LRRN2: variants seen among roughly 807,000 people sequenced by gnomAD.
The protein encoded by LRRN2 is leucine rich repeat neuronal 2.
In LRRN2, 10 loss-of-function variants were observed where a neutral mutation model predicts 35.7. The observed-to-expected ratio is 0.28, with a 90% CI of 0.17 to 0.47. The LOEUF is 0.47. LRRN2 is among the 20% of genes least tolerant of loss of function. The pLI, the probability that LRRN2 is intolerant of heterozygous loss-of-function variation, is 0.99. For missense variants in LRRN2, 731 were observed against 940.3 expected, an observed-to-expected ratio of 0.78 and a Z score of 2.91; for synonymous variants, 391 against 409.6, an observed-to-expected ratio of 0.95 and a Z score of 0.55.
intron 1 of LRRN2, among the ~76,000 whole-genome samples, chr1:204,656,607 T>C (rs567543440): frequency 1.3e-5 from 2 of 152,346 alleles, no homozygotes; most frequent in African/African-American, 4.8e-5. Flanking sequence ...TGCAAATGTT[T>C]GCATGTCTTT....
At chr1:204,650,937 A>G (rs984613646) in intron 1 of LRRN2, among the ~76,000 whole-genome samples, 11 of 152,312 alleles carry the variant, frequency 7.2e-5, no homozygotes, top group African/African-American at 2.2e-4. Context: ...CCCAGAGCCT[A>G]TGGAATCTGT....
Position 204,681,163 on chromosome 1 carries a change from G to A in LRRN2, c.-227+4157C>T, listed in dbSNP as rs557362685. On this transcript the variant is annotated intron_variant, in intron 1 of 1. Transcript: ENST00000367177. ...GCAGAGATGGGGTTTCACCATTTTGGCCAGGCTGGTCTTGAACTCCTGACC... is the reference window on the plus strand; with the variant it reads ...GCAGAGATGGGGTTTCACCATTTTGACCAGGCTGGTCTTGAACTCCTGACC... Among the ~76,000 whole-genome samples the A allele has an allele frequency of 3.3e-5, 5 of 152,042 alleles. No individual in the cohort carries two copies. In the South Asian group the frequency reaches 1.0e-3, roughly 32 times the overall value.
chr1:204,635,154 A>G (rs1422499613), intron 1 of LRRN2, among the ~76,000 whole-genome samples: 1 of 152,156 alleles, frequency 6.6e-6, no homozygotes, highest in Non-Finnish European at 1.5e-5. Flanking sequence ...TGTTAGAGAT[A>G]TATGCATAAA....
At chr1:204,654,187 A>G (rs912213914) in intron 1 of LRRN2, among the ~76,000 whole-genome samples, 22 of 152,214 alleles carry the variant, frequency 1.4e-4, no homozygotes, top group African/African-American at 4.8e-4. Flanking sequence ...TTGTAAGTAC[A>G]TGATATACTG....
intron 1 of LRRN2, 122 bp from the exon 2 acceptor site, chr1:204,620,340 C>G: frequency 4.2e-6 from 2 of 476,366 alleles, no homozygotes; most frequent in Admixed American, 4.6e-5. Context: ...CAGCGGTGCA[C>G]TCAGCTGACT....
chr1:204,635,289 G>A (rs189969096), intron 1 of LRRN2, among the ~76,000 whole-genome samples: 2 of 152,088 alleles, frequency 1.3e-5, no homozygotes, highest in African/African-American at 4.8e-5. Context: ...TATTCTCTGG[G>A]CTTATATATA....
chr1:204,666,421 T>C lies in LRRN2; in HGVS notation c.-227+18899A>G, dbSNP rs1164465767. Among the ~76,000 whole-genome samples the C allele has an allele frequency of 2.6e-5, 4 of 152,250 alleles. No homozygotes were observed. In the East Asian group the frequency reaches 7.7e-4, roughly 29 times the overall value. ...AAGTACCCTCATTCAGTTGAGCTTG[T>C]ACAATAAACGTTTGTTAGGTGCTTA... On this transcript the variant is annotated intron_variant, in intron 1 of 1. Coordinates refer to ENST00000367177, the MANE Select transcript of LRRN2 (RefSeq NM_201630.2).
chr1:204,638,756 A>C (rs1667908764), intron 1 of LRRN2, among the ~76,000 whole-genome samples: 1 of 152,198 alleles, frequency 6.6e-6, no homozygotes, highest in African/African-American at 2.4e-5. Flanking sequence ...TAGACTTGCC[A>C]AGAGGCCATG....
At chr1:204,672,939 C>T (rs1224340091) in intron 1 of LRRN2, among the ~76,000 whole-genome samples, 1 of 152,212 alleles carries the variant, frequency 6.6e-6, no homozygotes, top group Non-Finnish European at 1.5e-5. Flanking sequence ...TGCACACCAT[C>T]CAGACAGAGC....
rs1285824305 is a variant in LRRN2 at position 204,650,311 on chromosome 1, C to T, written c.-226-30093G>A. On this transcript the variant is annotated intron_variant, in intron 1 of 1. Coordinates refer to ENST00000367177, the MANE Select transcript of LRRN2 (RefSeq NM_201630.2). ...TTTCCCTCAGAAGCTGATCATTTTG[C>T]AGACTGGGGAAATTAATTGTTTGAA... Among the ~76,000 whole-genome samples the T allele has an allele frequency of 2.0e-5, 3 of 152,222 alleles. 1 individual carries two copies. The highest frequency in any genetic ancestry group is 1.3e-4 in the Admixed American group (2 of 15,284).
chr1:204,661,091 G>A (rs191358319), intron 1 of LRRN2, among the ~76,000 whole-genome samples: 1 of 152,304 alleles, frequency 6.6e-6, no homozygotes, highest in African/African-American at 2.4e-5. Context: ...CTGGTTGATT[G>A]ATTGATTGAT....
At chr1:204,654,887 CA>C (rs1263726274) in intron 1 of LRRN2, among the ~76,000 whole-genome samples, 3 of 152,228 alleles carry the variant, frequency 2.0e-5, no homozygotes, top group Non-Finnish European at 4.4e-5. Context: ...CACTACAAAT[CA>C]GGACTTCCCT....
chr1:204,638,552 A>C (rs1311383206), intron 1 of LRRN2, among the ~76,000 whole-genome samples: 1 of 151,908 alleles, frequency 6.6e-6, no homozygotes, highest in African/African-American at 2.4e-5. Context: ...CTGAGATTAC[A>C]GGCATGTGCC....
chr1:204,632,740 A>G (rs544071673), intron 1 of LRRN2, among the ~76,000 whole-genome samples: 44 of 151,746 alleles, frequency 2.9e-4, no homozygotes, highest in Non-Finnish European at 5.6e-4. Flanking sequence ...GACCATCCTG[A>G]CTAACACGGT....
At chr1:204,657,268 G>C (rs1174355222) in intron 1 of LRRN2, among the ~76,000 whole-genome samples, 2 of 151,568 alleles carry the variant, frequency 1.3e-5, no homozygotes, top group Non-Finnish European at 2.9e-5. Flanking sequence ...TCACCCCATT[G>C]CACTCCAGCC....
intron 1 of LRRN2, among the ~76,000 whole-genome samples, chr1:204,636,218 A>G (rs761550111): frequency 2.0e-5 from 3 of 152,218 alleles, no homozygotes; most frequent in Non-Finnish European, 4.4e-5. Context: ...GCTGTGATGC[A>G]TACAGAACCT....
chr1:204,674,559 C>T (rs559204154), intron 1 of LRRN2, among the ~76,000 whole-genome samples: 3 of 152,326 alleles, frequency 2.0e-5, no homozygotes, highest in South Asian at 4.1e-4. Flanking sequence ...TCTGCCTCTG[C>T]CTGCTTCTCC....
chr1:204,672,840 C>T (rs1033547693), intron 1 of LRRN2, among the ~76,000 whole-genome samples: 10 of 152,278 alleles, frequency 6.6e-5, no homozygotes, highest in Admixed American at 2.6e-4. Context: ...AGTGAAGGAG[C>T]GACCACCCAC....
chr1:204,650,868 C>T (rs1035818011), intron 1 of LRRN2, among the ~76,000 whole-genome samples: 1 of 152,142 alleles, frequency 6.6e-6, no homozygotes, highest in Non-Finnish European at 1.5e-5. Context: ...GTGGTAGGGG[C>T]TCGGAAGGAA....
Sources: gnomAD v4.1 joint callset for allele counts (sites outside exome capture counted in the v4.1 genomes callset) on GRCh38, gnomAD v4.1.1 for gene constraint, MANE v1.5 for transcripts, NCBI Gene and HGNC (gene_info 2026-07-23, HGNC 2026-07-21) for gene names.